MNAT1: variants seen among roughly 807,000 people sequenced by gnomAD.
MNAT1 encodes the protein CDK-activating kinase assembly factor MAT1.
A neutral mutation model predicts 42.0 loss-of-function variants in MNAT1; 43 were observed. The observed-to-expected ratio is 1.02, with a 90% CI of 0.80 to 1.32. The LOEUF is 1.32. MNAT1 is among the 40% of genes most tolerant of loss of function. The pLI is 0.00. For synonymous variants in MNAT1, 118 were observed against 120.0 expected, an observed-to-expected ratio of 0.98 and a Z score of 0.11; for missense variants, 306 against 350.4, an observed-to-expected ratio of 0.87 and a Z score of 1.01.
intron 2 of MNAT1, among the ~76,000 whole-genome samples, chr14:60,797,794 G>A (rs1049152847): frequency 6.6e-6 from 1 of 152,072 alleles, no homozygotes; most frequent in African/African-American, 2.4e-5. Context: ...GGATATGGTG[G>A]TGTGCGCCTG....
chr14:60,955,707 G>A (rs1431604256), intron 7 of MNAT1, among the ~76,000 whole-genome samples: 1 of 151,970 alleles, frequency 6.6e-6, no homozygotes, highest in African/African-American at 2.4e-5. Flanking sequence ...ACTTTCTATT[G>A]GTTTGTTTAC....
chr14:60,913,113 C>T (rs188252346), intron 7 of MNAT1, among the ~76,000 whole-genome samples: 2 of 152,288 alleles, frequency 1.3e-5, no homozygotes, highest in South Asian at 2.1e-4. Flanking sequence ...TCCAGTTGAT[C>T]GCATCAGTTA....
chr14:60,933,513 T>G (rs1211629065), intron 7 of MNAT1, among the ~76,000 whole-genome samples: 1 of 152,136 alleles, frequency 6.6e-6, no homozygotes, highest in Non-Finnish European at 1.5e-5. Context: ...GTTAAATTCT[T>G]AAAAAGAATT....
chr14:60,782,209 C>T (rs763581764), intron 1 of MNAT1, among the ~76,000 whole-genome samples: 4 of 151,914 alleles, frequency 2.6e-5, no homozygotes, highest in Admixed American at 1.3e-4. Flanking sequence ...TAAGCTAAAA[C>T]GTGATACAAT....
chr14:60,914,107 C>T (rs1003898637), intron 7 of MNAT1, among the ~76,000 whole-genome samples: 11 of 152,210 alleles, frequency 7.2e-5, no homozygotes, highest in South Asian at 2.1e-4. Flanking sequence ...GCTCTGTGGG[C>T]GTAGGACCCT....
chr14:60,804,293 C>G (rs555459839), intron 3 of MNAT1, among the ~76,000 whole-genome samples: 2 of 152,236 alleles, frequency 1.3e-5, no homozygotes, highest in African/African-American at 4.8e-5. Context: ...TTCTTCACGG[C>G]TATTGTACCA....
intron 7 of MNAT1, among the ~76,000 whole-genome samples, chr14:60,929,654 C>T (rs750594921): frequency 3.3e-5 from 5 of 152,024 alleles, no homozygotes; most frequent in Admixed American, 3.3e-4. Flanking sequence ...GTTTTCTTGA[C>T]CTGGGGAATA....
chr14:60,800,534 T>C (rs1406689993), intron 3 of MNAT1, among the ~76,000 whole-genome samples: 2 of 152,120 alleles, frequency 1.3e-5, no homozygotes, highest in Non-Finnish European at 2.9e-5. Flanking sequence ...AGCATGCCCA[T>C]GTCTCAAAAA....
chr14:60,912,174 G>A (rs949700465), intron 7 of MNAT1, among the ~76,000 whole-genome samples: 12 of 151,994 alleles, frequency 7.9e-5, no homozygotes, highest in Non-Finnish European at 1.6e-4. Context: ...CGTTTGCTTG[G>A]TAGATCTTCC....
chr14:60,806,776 G>A (rs1473967328), intron 3 of MNAT1, among the ~76,000 whole-genome samples: 2 of 152,196 alleles, frequency 1.3e-5, no homozygotes, highest in African/African-American at 4.8e-5. Flanking sequence ...AGTTGTGAAA[G>A]ATCATTGGAT....
At chr14:60,957,078 T>G (rs554646955) in intron 7 of MNAT1, among the ~76,000 whole-genome samples, 7 of 152,236 alleles carry the variant, frequency 4.6e-5, no homozygotes, top group Non-Finnish European at 1.0e-4. Flanking sequence ...TGTCCCTTTT[T>G]TCTTGCTGTC....
chr14:60,820,399 G>C (rs2032847129), intron 6 of MNAT1, among the ~76,000 whole-genome samples: 1 of 151,882 alleles, frequency 6.6e-6, no homozygotes, highest in Non-Finnish European at 1.5e-5. Context: ...TTTTACTGTT[G>C]CTTCCACTTT....
intron 1 of MNAT1, among the ~76,000 whole-genome samples, 180 bp from the exon 2 acceptor site, chr14:60,796,037 A>G (rs2032007503): frequency 6.6e-6 from 1 of 152,198 alleles, no homozygotes; most frequent in South Asian, 2.1e-4. Context: ...GGATACCTAT[A>G]TCTGAAAAGT....
intron 6 of MNAT1, among the ~76,000 whole-genome samples, chr14:60,845,843 A>G (rs2033668997): frequency 6.6e-6 from 1 of 152,028 alleles, no homozygotes; most frequent in African/African-American, 2.4e-5. Context: ...TCCTTGTTTT[A>G]GTGTGGCTTT....
chr14:60,861,071 G>C (rs1337555202), intron 6 of MNAT1, among the ~76,000 whole-genome samples: 1 of 151,990 alleles, frequency 6.6e-6, no homozygotes, highest in Non-Finnish European at 1.5e-5. Context: ...CATATTTAAT[G>C]AATCTTTTAT....
chr14:60,745,964 T>A (rs566595444), intron 1 of MNAT1, among the ~76,000 whole-genome samples: 1 of 152,274 alleles, frequency 6.6e-6, no homozygotes, highest in East Asian at 1.9e-4. Flanking sequence ...AGTGAAGATC[T>A]CAAGATTCTT....
chr14:60,819,712 C>T (rs1037603202), intron 6 of MNAT1, among the ~76,000 whole-genome samples: 4 of 152,104 alleles, frequency 2.6e-5, no homozygotes, highest in Non-Finnish European at 4.4e-5. Flanking sequence ...GTCATGGTTA[C>T]GGATTTGGAC....
rs550853219 is a variant in MNAT1, at chr14:60,898,571, G to A, written c.809+18736G>A. Among the ~76,000 whole-genome samples, 6 of 152,004 alleles carry A rather than the reference G, an allele frequency of 3.9e-5. No individual in the cohort carries two copies. In the South Asian group the frequency reaches 1.2e-3, roughly 32 times the overall value. On this transcript the variant is annotated intron_variant, in intron 7 of 7. Transcript: ENST00000261245. ...CATTTGTATGTCTTCTTTTGAAAAA[G>A]TTTCTATTCATATTCTTTGCCTACT...
intron 7 of MNAT1, among the ~76,000 whole-genome samples, chr14:60,945,500 T>C (rs1381605515): frequency 1.3e-5 from 2 of 152,228 alleles, no homozygotes; most frequent in African/African-American, 4.8e-5. Context: ...AATAAATCTT[T>C]GGTCATTTTT....
Sources: gnomAD v4.1 joint callset for allele counts (sites outside exome capture counted in the v4.1 genomes callset) on GRCh38, gnomAD v4.1.1 for gene constraint, MANE v1.5 for transcripts, NCBI Gene and HGNC (gene_info 2026-07-23, HGNC 2026-07-21) for gene names.